Variants in NUP58 observed in about 807,000 individuals in gnomAD.
The protein encoded by NUP58 is nucleoporin 58, also known as nucleoporin p58/p45.
Under a neutral mutation model 70.1 loss-of-function variants are expected in NUP58, and 17 were observed. That is an observed-to-expected ratio of 0.24 (90% CI 0.17 to 0.36). NUP58 has a LOEUF of 0.36. NUP58 is among the 10% of genes least tolerant of loss of function. NUP58 has a pLI of 1.00. For missense variants in NUP58, 644 were observed against 701.5 expected (o/e 0.92, Z 0.93); for synonymous variants, 275 against 257.6 (o/e 1.07, Z -0.65).
At chr13:25,330,890 G>A (rs765803443) in intron 12 of NUP58, among the ~76,000 whole-genome samples, 2 of 151,632 alleles carry the variant, frequency 1.3e-5, no homozygotes, top group African/African-American at 2.4e-5. Context: ...TCTAAAAAAT[G>A]TATTTAAAAG....
At chr13:25,321,864 C>A (rs939760702) in intron 9 of NUP58, among the ~76,000 whole-genome samples, 1 of 152,062 alleles carries the variant, frequency 6.6e-6, no homozygotes, top group African/African-American at 2.4e-5. Context: ...TTGCAGTGAG[C>A]CAAGATTGCA....
intron 15 of NUP58, among the ~76,000 whole-genome samples, chr13:25,339,440 T>C (rs1395754102): frequency 6.6e-6 from 1 of 152,208 alleles, no homozygotes; most frequent in Non-Finnish European, 1.5e-5. Context: ...AATTGAAATA[T>C]TGTATTAGTT....
Position 25,315,396 on chromosome 13 carries a change from C to T in NUP58, c.614C>T (p.Thr205Ile), listed in dbSNP as rs1456552802. 1 of 1,613,934 alleles carries T rather than the reference C, an allele frequency of 6.2e-7. No homozygotes were observed. Among genetic ancestry groups the T allele is most frequent in the African/African-American group, 1.3e-5 (1 of 75,034 alleles). Residue 205 changes from threonine to isoleucine, a missense_variant, in exon 6 of 16, where the codon ACA becomes ATA. By Grantham distance (89) the Thr-to-Ile change is moderately conservative. This residue lies in a region of NUP58 where 430 missense variants were observed against 409.2 expected (regional missense o/e 1.05). Coordinates refer to ENST00000381736, the MANE Select transcript of NUP58 (RefSeq NM_014089.4). ...GCTTTAGGGTTGACTTTGGGAACTA[C>T]AGCAGCTACTTCAACTGCAGGCAAT... ...QNALGLTLGT[T>I]AATSTAGNEG...
chr13:25,334,050 T>G, intron 13 of NUP58: 1 of 985,384 alleles, frequency 1.0e-6, no homozygotes, highest in East Asian at 1.1e-4. Flanking sequence ...AATTTTTTTT[T>G]TAATGAAAAA....
chr13:25,314,583 T>A (rs1271518621), intron 5 of NUP58, among the ~76,000 whole-genome samples: 1 of 152,062 alleles, frequency 6.6e-6, no homozygotes, highest in African/African-American at 2.4e-5. Flanking sequence ...TAATCCAAGC[T>A]GTTTGGGAGG....
intron 10 of NUP58, among the ~76,000 whole-genome samples, 154 bp from the exon 11 acceptor site, chr13:25,326,762 A>G (rs2031410805): frequency 6.6e-6 from 1 of 152,112 alleles, no homozygotes; most frequent in Admixed American, 6.5e-5. Context: ...TTTCTCCTTA[A>G]TATCTTCCAG....
At chr13:25,343,533 G>A (rs2032005595), downstream of NUP58, among the ~76,000 whole-genome samples, 1 of 149,912 alleles carries the variant, frequency 6.7e-6, no homozygotes, top group South Asian at 2.1e-4. Flanking sequence ...GCTCACTGCA[G>A]CCTCTGCCTC....
intron 13 of NUP58, chr13:25,335,093 A>T: frequency 3.0e-6 from 3 of 985,226 alleles, no homozygotes; most frequent in Non-Finnish European, 3.6e-6. Flanking sequence ...AGTTTTTACT[A>T]TTAAAAAATG....
Position 25,312,964 on chromosome 13 carries a change from C to T in NUP58, c.368C>T (p.Ala123Val), listed in dbSNP as rs375317962. ...NKPAASATPF[A>V]LPITSTSASG... ...CCTGCAGCATCTGCCACACCATTTG[C>T]TCTACCTATTACCTCTACCTCAGCT... The change falls in exon 4 of 16, where the codon GCT (alanine) becomes GTT (valine). Residue 123 changes from alanine (A) to valine (V), a missense_variant. Around this residue, in one of 4 missense-constraint regions of NUP58, gnomAD observed 430 missense variants for 409.2 expected, o/e 1.05. Transcript: ENST00000381736. 4 of 1,614,088 alleles carry T rather than the reference C, an allele frequency of 2.5e-6. No homozygotes were observed. The highest frequency in any genetic ancestry group is 3.4e-6 in the Non-Finnish European group (4 of 1,180,034).
At chr13:25,332,572 C>T (rs2031647562) in intron 13 of NUP58, 1 of 985,380 alleles carries the variant, frequency 1.0e-6, no homozygotes, top group Non-Finnish European at 1.2e-6. Context: ...TGCATTCAAG[C>T]TACCTATACT....
intron 1 of NUP58, among the ~76,000 whole-genome samples, chr13:25,305,130 GTT>G (rs562132125): frequency 3.2e-4 from 19 of 58,560 alleles, no homozygotes; most frequent in African/African-American, 7.2e-4. Flanking sequence ...GATCTGTGGG[GTT>G]TTTTTTTTTT....
Position 25,301,805 on chromosome 13 carries a change from C to T in NUP58, c.32C>T (p.Thr11Ile), listed in dbSNP as rs1427882991. The change falls in exon 1 of 16, where the codon ACT becomes ATT. Residue 11 changes from threonine (T) to isoleucine (I), a missense_variant. By Grantham distance (89) the Thr-to-Ile change is moderately conservative (BLOSUM62 -1). This residue lies in a region of NUP58 where 430 missense variants were observed against 409.2 expected (regional missense o/e 1.05). Transcript: ENST00000381736. The stretch of plus-strand genomic sequence containing the variant: ...ACAGGGTTCTCCTTCGGGTCCGGGA[C>T]TCTGGGCTCCACCACCGTGGCCGCC... Reference protein sequence around the residue: MSTGFSFGSGTLGSTTVAAGG... With the variant: MSTGFSFGSGILGSTTVAAGG... 2 of 1,613,626 alleles carry T rather than the reference C, an allele frequency of 1.2e-6. No homozygotes were observed. The highest frequency in any genetic ancestry group is 2.2e-5 in the South Asian group (2 of 91,020).
intron 5 of NUP58, among the ~76,000 whole-genome samples, 174 bp downstream of exon 5, chr13:25,313,925 T>G (rs541269604): frequency 6.6e-6 from 1 of 152,214 alleles, no homozygotes; most frequent in South Asian, 2.1e-4. Flanking sequence ...AACCGTATTT[T>G]ATTTATTTAT....
At chr13:25,303,834 G>T (rs1057031718) in intron 1 of NUP58, among the ~76,000 whole-genome samples, 1 of 152,182 alleles carries the variant, frequency 6.6e-6, no homozygotes, top group Non-Finnish European at 1.5e-5. Flanking sequence ...ACAGTGCCTG[G>T]CATAGAAAAA....
downstream of NUP58, among the ~76,000 whole-genome samples, chr13:25,344,247 GAT>G (rs2032022633): frequency 6.6e-6 from 1 of 152,060 alleles, no homozygotes; most frequent in African/African-American, 2.4e-5. Context: ...TTTCCTGAGA[GAT>G]ATGTCTAGTC....
chr13:25,303,230 G>GA (rs890636470), intron 1 of NUP58: 169 of 388,874 alleles, frequency 4.3e-4, no homozygotes, highest in African/African-American at 6.0e-4. Flanking sequence ...GTTTAAAAAA[G>GA]AAAAAAAAAC....
chr13:25,342,752 A>G (rs2137850230), downstream of NUP58, among the ~76,000 whole-genome samples: 1 of 152,266 alleles, frequency 6.6e-6, no homozygotes, highest in East Asian at 1.9e-4. Context: ...TCTTAAAAGA[A>G]TATATAAATG....
rs771295782 is a variant in NUP58, at chr13:25,320,519, A to T, written c.711-11A>T. 3.8e-6 allele frequency: 6 copies of T among 1,599,592 alleles called. No individual in the cohort carries two copies. Among genetic ancestry groups the T allele is most frequent in the South Asian group, 1.1e-5 (1 of 90,406 alleles). On this transcript the variant is annotated splice_polypyrimidine_tract_variant and intron_variant, in intron 7 of 15. Coordinates refer to ENST00000381736, the MANE Select transcript of NUP58 (RefSeq NM_014089.4). ...TCAATGACCTTAATACATGTTTTGC[A>T]TTTTTCTTAGGGATAGTAAAGCTCT...
In NUP58 at chr13:25,302,012, C is replaced by G. The variant is rs996634235; in HGVS notation, c.107+132C>G. ...GTGGGGCTGGAGAGAAGCACTTAAT[C>G]TAGCCGCCCGGCGTCGTAGGCCTCT... On this transcript the variant is annotated intron_variant, in intron 1 of 15. Transcript: ENST00000381736. 1.4e-5 allele frequency: 9 copies of G among 643,782 alleles called. No homozygotes were observed. The South Asian group carries it at 1.6e-4, about 11-fold the overall frequency. 39.9% of individuals were successfully genotyped at this position (643,782 alleles called of 1,614,324 possible).
Sources: allele counts gnomAD v4.1 joint callset (sites outside exome capture counted in the v4.1 genomes callset), GRCh38; gene constraint gnomAD v4.1.1; regional missense constraint gnomAD v4.1.1; transcripts MANE v1.5; gene names NCBI Gene and HGNC (gene_info 2026-07-23, HGNC 2026-07-21).